WWP2: variants seen among roughly 807,000 people sequenced by gnomAD.
WWP2 encodes WW domain containing E3 ubiquitin protein ligase 2, also known as NEDD4-like E3 ubiquitin-protein ligase WWP2.
A neutral mutation model predicts 121.0 loss-of-function variants in WWP2; 57 were observed. The observed-to-expected ratio is 0.47, with a 90% CI of 0.38 to 0.59. The LOEUF is 0.59. WWP2 is among the 20% of genes least tolerant of loss of function. The probability of loss-of-function intolerance (pLI) is 0.00; values close to 1 mark genes in which losing one functional copy is unlikely to be tolerated. For synonymous variants in WWP2, 449 were observed against 441.3 expected, an observed-to-expected ratio of 1.02 and a Z score of -0.22; for missense variants, 962 against 1,158.9, an observed-to-expected ratio of 0.83 and a Z score of 2.47.
At chr16:69,868,794 G>A (rs1597082966) in intron 6 of WWP2, among the ~76,000 whole-genome samples, 1 of 152,328 alleles carries the variant, frequency 6.6e-6, no homozygotes, top group Non-Finnish European at 1.5e-5. Context: ...CACTTTTGAG[G>A]AGGAGCTGTG....
At chr16:69,807,369 T>C (rs546754934) in intron 4 of WWP2, among the ~76,000 whole-genome samples, 12 of 151,964 alleles carry the variant, frequency 7.9e-5, no homozygotes, top group Non-Finnish European at 1.5e-4. Context: ...AATGAAAACA[T>C]GTTTGCTTTG....
In WWP2 at chr16:69,810,584, C is replaced by T. The variant is rs1433345675; in HGVS notation, c.340+11289C>T. Reference sequence around the variant, plus strand: ...CTGGGACTATAGGCACCCACCACCACGCCTGGCTAATTTTTTGTATTTTTT... The same window carrying T: ...CTGGGACTATAGGCACCCACCACCATGCCTGGCTAATTTTTTGTATTTTTT... On this transcript the variant is annotated intron_variant, in intron 4 of 23. Transcript: ENST00000359154. 4.6e-5 allele frequency among the ~76,000 whole-genome samples: 7 copies of T among 151,674 alleles called. No individual in the cohort carries two copies. In the South Asian group the frequency reaches 6.3e-4, roughly 14 times the overall value.
At chr16:69,923,614 C>T (rs1025549111) in intron 10 of WWP2, among the ~76,000 whole-genome samples, 6 of 152,142 alleles carry the variant, frequency 3.9e-5, no homozygotes, top group South Asian at 4.1e-4. Context: ...GAACCCTGAA[C>T]GCTTTACAGA....
chr16:69,815,832 A>T (rs1340015307), intron 4 of WWP2, among the ~76,000 whole-genome samples: 1 of 150,626 alleles, frequency 6.6e-6, no homozygotes, highest in Non-Finnish European at 1.5e-5. Context: ...ACTGTATATT[A>T]TGGCCTCAAC....
At chr16:69,883,187 A>C (rs966900914) in intron 7 of WWP2, among the ~76,000 whole-genome samples, 1 of 152,108 alleles carries the variant, frequency 6.6e-6, no homozygotes, top group African/African-American at 2.4e-5. Flanking sequence ...CAATTCTGTA[A>C]GGCATGATGG....
intron 8 of WWP2, among the ~76,000 whole-genome samples, chr16:69,903,915 G>A (rs1011517256): frequency 1.3e-5 from 2 of 152,172 alleles, no homozygotes; most frequent in Non-Finnish European, 2.9e-5. Flanking sequence ...GAGCGTACTA[G>A]TATTAGGGCT....
At chr16:69,896,359 G>A (rs776392173) in intron 8 of WWP2, among the ~76,000 whole-genome samples, 1 of 152,112 alleles carries the variant, frequency 6.6e-6, no homozygotes, top group African/African-American at 2.4e-5. Context: ...AGGCTCAAGC[G>A]ATCCTCCTAT....
intron 4 of WWP2, among the ~76,000 whole-genome samples, chr16:69,813,161 A>ATTTT (rs201294551): frequency 3.7e-5 from 5 of 135,980 alleles, no homozygotes; most frequent in Non-Finnish European, 6.4e-5. Flanking sequence ...TTCTGGTGTA[A>ATTTT]TTTTTTTTTT....
intron 8 of WWP2, among the ~76,000 whole-genome samples, chr16:69,895,693 G>A (rs1457146847): frequency 2.0e-5 from 3 of 152,152 alleles, no homozygotes; most frequent in African/African-American, 7.2e-5. Context: ...CCCGGAAGTC[G>A]AGCCTGTAGT....
In WWP2 at chr16:69,935,866, G is replaced by A; in HGVS notation, c.1856G>A (p.Gly619Glu). ...GRFIAMALYH[G>E]KFIDTGFTLP... ...CTTCCTTCCCAGGCGCTGTACCATG[G>A]AAAGTTCATCGACACGGGCTTCACC... The change falls in exon 18 of 24, where the codon GGA becomes GAA. Residue 619 changes from glycine to glutamate, a missense_variant. Physicochemically the swap from Gly to Glu is moderately conservative, Grantham distance 98 (BLOSUM62 -2). Coordinates refer to ENST00000359154, the MANE Select transcript of WWP2 (RefSeq NM_001270454.2). The surrounding 1 kb of genome is among the most constrained non-coding windows in gnomAD (Gnocchi z 5.2). The A allele has an allele frequency of 6.2e-7, 1 of 1,613,650 alleles. No homozygotes were observed. Among genetic ancestry groups the A allele is most frequent in the Non-Finnish European group, 8.5e-7 (1 of 1,179,822 alleles).
intron 4 of WWP2, among the ~76,000 whole-genome samples, chr16:69,830,236 A>G (rs1020597890): frequency 2.0e-5 from 3 of 151,900 alleles, no homozygotes. Flanking sequence ...ATTACAGGCG[A>G]CAACCACCAT....
At chr16:69,786,565 C>G (rs930643026) in intron 1 of WWP2, among the ~76,000 whole-genome samples, 2 of 151,502 alleles carry the variant, frequency 1.3e-5, no homozygotes, top group African/African-American at 4.9e-5. Flanking sequence ...ATTCTCCTGC[C>G]TCAGCCTCCA....
intron 1 of WWP2, among the ~76,000 whole-genome samples, chr16:69,778,814 A>G (rs562047222): frequency 6.2e-4 from 92 of 147,640 alleles, no homozygotes; most frequent in Non-Finnish European, 1.0e-3. Flanking sequence ...TAATTTTTGT[A>G]TTTTTCATAG....
chr16:69,802,922 T>G (rs1006112682), intron 4 of WWP2, among the ~76,000 whole-genome samples: 2 of 152,092 alleles, frequency 1.3e-5, no homozygotes, highest in Non-Finnish European at 2.9e-5. Context: ...TCTTATTATG[T>G]ATGTGCAAAT....
chr16:69,906,734 G>T (rs981535538), intron 8 of WWP2, among the ~76,000 whole-genome samples: 3 of 152,136 alleles, frequency 2.0e-5, no homozygotes, highest in Admixed American at 1.3e-4. Flanking sequence ...AAAAAGATTA[G>T]CTGGGCCTCG....
Position 69,871,803 on chromosome 16 carries a change from G to C in WWP2, c.576-1G>C. On this transcript the variant is annotated splice_acceptor_variant, in intron 6 of 23. Coordinates refer to ENST00000359154, the MANE Select transcript of WWP2 (RefSeq NM_001270454.2). LOFTEE classifies it high-confidence loss of function. ...GTCTGCTTTCTACTTTGAACCCCCA[G>C]GACGCACAGACATTCGGGTGCTTCA... The C allele has an allele frequency of 6.2e-7, 1 of 1,614,036 alleles. No individual in the cohort carries two copies. The highest frequency in any genetic ancestry group is 8.5e-7 in the Non-Finnish European group (1 of 1,179,994).
chr16:69,917,263 T>A (rs920142814), intron 9 of WWP2, among the ~76,000 whole-genome samples: 1 of 152,258 alleles, frequency 6.6e-6, no homozygotes, highest in Non-Finnish European at 1.5e-5. Context: ...TGCTCTGCCA[T>A]CCACTGGGTC....
At chr16:69,767,799 A>T (rs1472653310) in intron 1 of WWP2, among the ~76,000 whole-genome samples, 6 of 151,690 alleles carry the variant, frequency 4.0e-5, no homozygotes, top group Non-Finnish European at 7.4e-5. Flanking sequence ...TCTTATTAGG[A>T]CTCCACATTA....
At chr16:69,914,935 G>A (rs2058457737) in intron 9 of WWP2, among the ~76,000 whole-genome samples, 1 of 152,202 alleles carries the variant, frequency 6.6e-6, no homozygotes, top group Non-Finnish European at 1.5e-5. Flanking sequence ...CCACCAGGAA[G>A]CCAAGAAAGA....
Sources: gnomAD v4.1 joint callset for allele counts (sites outside exome capture counted in the v4.1 genomes callset) on GRCh38, gnomAD v4.1.1 for gene constraint, Gnocchi (gnomAD v3.1) non-coding constraint, MANE v1.5 for transcripts, NCBI Gene and HGNC (gene_info 2026-07-23, HGNC 2026-07-21) for gene names.